Variants in EPHX2 observed in about 807,000 individuals in gnomAD.
EPHX2 encodes epoxide hydrolase 2, also known as bifunctional epoxide hydrolase 2.
EPHX2 carries 74 observed loss-of-function variants against 78.7 expected under a neutral mutation model. The observed-to-expected ratio is 0.94, with a 90% CI of 0.78 to 1.14. The LOEUF is 1.14. Ranked by LOEUF, EPHX2 falls within the 50% of genes most tolerant of loss-of-function variation. EPHX2 has a pLI of 0.00. For synonymous variants in EPHX2, 251 were observed against 255.2 expected (o/e 0.98, Z 0.16); for missense variants, 715 against 702.5 (o/e 1.02, Z -0.20).
At chr8:27,530,248 T>C (rs1160812302) in intron 12 of EPHX2, among the ~76,000 whole-genome samples, 2 of 152,174 alleles carry the variant, frequency 1.3e-5, no homozygotes, top group Non-Finnish European at 2.9e-5. Context: ...TGGGGACAGC[T>C]GGTGATTAGT....
At chr8:27,533,314 A>G (rs946341658) in intron 12 of EPHX2, among the ~76,000 whole-genome samples, 4 of 152,180 alleles carry the variant, frequency 2.6e-5, no homozygotes, top group Admixed American at 2.0e-4. Flanking sequence ...AACTGTGTTT[A>G]TTGGATTCTA....
At chr8:27,527,899 G>A (rs943347304) in intron 12 of EPHX2, among the ~76,000 whole-genome samples, 3 of 152,130 alleles carry the variant, frequency 2.0e-5, no homozygotes, top group Admixed American at 2.0e-4. Context: ...TGAGCAAACC[G>A]AGGCTCAGAG....
chr8:27,517,946 T>C (rs72475851), intron 8 of EPHX2, 92 bp from the exon 9 acceptor site: 1 of 970,620 alleles, frequency 1.0e-6, no homozygotes, highest in East Asian at 2.6e-5. Flanking sequence ...TGTTGTTTGG[T>C]TTTTGGTTTT....
At chr8:27,530,663 T>C (rs1815006224) in intron 12 of EPHX2, among the ~76,000 whole-genome samples, 1 of 152,194 alleles carries the variant, frequency 6.6e-6, no homozygotes. Context: ...GGACATTATT[T>C]TGATTATTTT....
At chr8:27,528,344 C>G (rs898717445) in intron 12 of EPHX2, among the ~76,000 whole-genome samples, 1 of 152,106 alleles carries the variant, frequency 6.6e-6, no homozygotes, top group African/African-American at 2.4e-5. Flanking sequence ...ACCCAGTAAC[C>G]AGGTTGGGCT....
Position 27,505,015 on chromosome 8 carries a change from C to T in EPHX2, c.406C>T (p.Leu136=), listed in dbSNP as rs759707628. ...GGACGACCGTGCTGAGAGAGATGGCCTGGCCCAGCTGATGTGTGAGCTGAA... is the reference window on the plus strand; with the variant it reads ...GGACGACCGTGCTGAGAGAGATGGCTTGGCCCAGCTGATGTGTGAGCTGAA... ...WLDDRAERDG[L]AQLMCELKMH... Residue 136 remains leucine, a synonymous_variant, in exon 4 of 19, where the codon CTG becomes TTG. Transcript: ENST00000521400. The T allele has an allele frequency of 4.3e-6, 7 of 1,614,028 alleles. No individual in the cohort carries two copies. The highest frequency in any genetic ancestry group is 1.1e-5 in the South Asian group (1 of 91,074).
At chr8:27,522,157 A>C (rs1324187523) in intron 10 of EPHX2, among the ~76,000 whole-genome samples, 1 of 152,216 alleles carries the variant, frequency 6.6e-6, no homozygotes, top group Non-Finnish European at 1.5e-5. Flanking sequence ...GAACGAAAGA[A>C]AATTTGATTT....
intron 14 of EPHX2, among the ~76,000 whole-genome samples, chr8:27,540,073 G>A (rs1247948811): frequency 6.6e-6 from 1 of 152,188 alleles, no homozygotes; most frequent in Admixed American, 6.5e-5. Context: ...CGGCACGTGG[G>A]AGGTGACAGG....
intron 12 of EPHX2, among the ~76,000 whole-genome samples, chr8:27,535,057 C>T (rs983078436): frequency 6.6e-6 from 1 of 152,202 alleles, no homozygotes; most frequent in African/African-American, 2.4e-5. Flanking sequence ...TGGGTGCGTG[C>T]AGGTGGGTGG....
At chr8:27,546,054 G>GA (rs1447681557), downstream of EPHX2, among the ~76,000 whole-genome samples, 2 of 150,850 alleles carry the variant, frequency 1.3e-5, no homozygotes, top group African/African-American at 4.9e-5. Context: ...TCCTAAGGCT[G>GA]AGCTTTTTCT....
intron 5 of EPHX2, among the ~76,000 whole-genome samples, chr8:27,510,220 T>C (rs1403215750): frequency 2.0e-5 from 3 of 152,192 alleles, no homozygotes; most frequent in Non-Finnish European, 2.9e-5. Flanking sequence ...AGAATGAATT[T>C]TTCGTTGGGT....
At position 27,493,122 on chromosome 8, in the gene EPHX2, A is replaced by G. The variant is rs774864670; in HGVS notation, c.101+1813A>G. On this transcript the variant is annotated intron_variant, in intron 1 of 18. Transcript: ENST00000521400. ...TGTAGCTTGATGGCCTTGATCCTGGAGGAAACAAATTTGAGGAGGAGGTTA... is the reference window on the plus strand; with the variant it reads ...TGTAGCTTGATGGCCTTGATCCTGGGGGAAACAAATTTGAGGAGGAGGTTA... 2.3e-4 allele frequency: 39 copies of G among 171,096 alleles called. No individual in the cohort carries two copies. In the Middle Eastern group the frequency reaches 7.8e-3, roughly 34 times the overall value. 10.6% of individuals were successfully genotyped at this position (171,096 alleles called of 1,614,324 possible). A position where few individuals can be genotyped will look rare whatever the true frequency, so the allele number is the denominator to read the frequency against.
chr8:27,491,277 C>T lies in EPHX2; in HGVS notation c.69C>T (p.Leu23=), dbSNP rs760494070. Residue 23 remains leucine (L), a synonymous_variant, in exon 1 of 19, where the codon CTC becomes CTT. Coordinates refer to ENST00000521400, the MANE Select transcript of EPHX2 (RefSeq NM_001979.6). ...VLALPAVFGV[L]GRTEEALALP... ...CGCTGCCAGCGGTGTTCGGCGTCCTCGGCCGCACGGAGGAGGCCCTGGCGC... is the reference window on the plus strand; with the variant it reads ...CGCTGCCAGCGGTGTTCGGCGTCCTTGGCCGCACGGAGGAGGCCCTGGCGC... 1.3e-6 allele frequency: 2 copies of T among 1,575,940 alleles called. No homozygotes were observed. Among genetic ancestry groups the T allele is most frequent in the Non-Finnish European group, 1.7e-6 (2 of 1,170,624 alleles).
At chr8:27,515,211 C>T (rs72475840) in intron 6 of EPHX2, among the ~76,000 whole-genome samples, 9 of 152,274 alleles carry the variant, frequency 5.9e-5, no homozygotes, top group African/African-American at 2.2e-4. Context: ...TCCTTTTCAC[C>T]AAGAAAACCC....
intron 14 of EPHX2, among the ~76,000 whole-genome samples, chr8:27,540,078 G>A (rs1815346500): frequency 6.6e-6 from 1 of 152,210 alleles, no homozygotes; most frequent in South Asian, 2.1e-4. Flanking sequence ...CGTGGGAGGT[G>A]ACAGGATGCA....
rs1399225082 is a variant in EPHX2 at position 27,544,492 on chromosome 8, C to G, written c.1638C>G (p.Ala546=). ...QILIKWLDSD[A]RNPPVVSKM is the part of the protein sequence containing the mutation. ...TCATTAAGTGGCTGGATTCTGATGC[C>G]CGGAACCCACCGGTGGTCTCAAAGA... The change falls in exon 19 of 19, where the codon GCC becomes GCG. Residue 546 remains alanine, a synonymous_variant. Transcript: ENST00000521400. 6.2e-7 allele frequency: 1 copy of G among 1,613,896 alleles called. No homozygotes were observed. Among genetic ancestry groups the G allele is most frequent in the African/African-American group, 1.3e-5 (1 of 74,980 alleles).
chr8:27,494,344 A>G (rs1813496308), intron 1 of EPHX2, among the ~76,000 whole-genome samples: 2 of 152,334 alleles, frequency 1.3e-5, no homozygotes, highest in Non-Finnish European at 1.5e-5. Flanking sequence ...CTCCAGGCAC[A>G]GTGAAGGTGA....
At chr8:27,541,445 C>A in intron 15 of EPHX2, 28 bp from the exon 16 acceptor site, 1 of 1,612,826 alleles carries the variant, frequency 6.2e-7, no homozygotes, top group East Asian at 2.2e-5. Context: ...TACTGCCTCC[C>A]TCTTTTTACT....
intron 16 of EPHX2, among the ~76,000 whole-genome samples, chr8:27,543,524 C>T (rs550270485): frequency 3.3e-5 from 5 of 152,264 alleles, no homozygotes; most frequent in South Asian, 4.1e-4. Flanking sequence ...GCTCAGCACA[C>T]GTTCTCACTC....
Sources: gnomAD v4.1 joint callset for allele counts (sites outside exome capture counted in the v4.1 genomes callset) on GRCh38, gnomAD v4.1.1 for gene constraint, MANE v1.5 for transcripts, NCBI Gene and HGNC (gene_info 2026-07-23, HGNC 2026-07-21) for gene names.